Variants in EDA observed in about 807,000 individuals in gnomAD.
EDA encodes the protein ectodysplasin-A.
A neutral mutation model predicts 23.6 loss-of-function variants in EDA; 2 were observed. That is an observed-to-expected ratio of 0.08 (90% confidence interval 0.03 to 0.27). The LOEUF is 0.27. EDA is among the 10% of genes least tolerant of loss of function. The pLI, the probability that EDA is intolerant of heterozygous loss-of-function variation, is 1.00. For missense variants in EDA, 229 were observed against 324.2 expected, an observed-to-expected ratio of 0.71 and a Z score of 2.26; for synonymous variants, 131 against 132.0, an observed-to-expected ratio of 0.99 and a Z score of 0.05.
At chrX:69,738,026 A>G (rs959960936) in intron 1 of EDA, among the ~76,000 whole-genome samples, 2 of 111,587 alleles carry the variant, frequency 1.8e-5, no homozygotes, top group Non-Finnish European at 3.8e-5. Context: ...GAATTAGGTT[A>G]TGGTATGCCT....
chrX:69,781,759 A>G (rs751812303), intron 1 of EDA, among the ~76,000 whole-genome samples: 27 of 111,257 alleles, frequency 2.4e-4, no homozygotes, highest in Non-Finnish European at 4.7e-4. Context: ...TAGCTATGCA[A>G]TTATATCTGT....
At chrX:69,940,952 G>A (rs2018749315) in intron 1 of EDA, among the ~76,000 whole-genome samples, 1 of 111,259 alleles carries the variant, frequency 9.0e-6, no homozygotes, top group Admixed American at 9.5e-5. Flanking sequence ...GTATCCCATA[G>A]GTTCTTGTAT....
chrX:69,976,481 T>C (rs745478164), intron 2 of EDA, among the ~76,000 whole-genome samples: 1 of 112,198 alleles, frequency 8.9e-6, no homozygotes, highest in South Asian at 3.7e-4. Flanking sequence ...ATTTGGCATA[T>C]GTTTACACTA....
At chrX:69,888,978 T>TAGATAGATATATATA (rs1556026049) in intron 1 of EDA, among the ~76,000 whole-genome samples, 19 of 16,013 alleles carry the variant, frequency 1.2e-3, no homozygotes, top group South Asian at 5.6e-3. Flanking sequence ...TGTGGGGTAG[T>TAGATAGATATATATA]TATATATATA....
At chrX:69,972,204 A>G (rs1176500705) in intron 2 of EDA, among the ~76,000 whole-genome samples, 1 of 111,846 alleles carries the variant, frequency 8.9e-6, no homozygotes, top group Non-Finnish European at 1.9e-5. Context: ...GTAATTTATC[A>G]TCACATATTT....
intron 1 of EDA, among the ~76,000 whole-genome samples, chrX:69,950,745 G>T (rs1421884192): frequency 3.6e-5 from 3 of 82,303 alleles, no homozygotes; most frequent in Non-Finnish European, 4.8e-5. Context: ...TATACACCAT[G>T]GAATACTATG....
chrX:69,711,325 G>A (rs1319579043), intron 1 of EDA, among the ~76,000 whole-genome samples: 1 of 111,522 alleles, frequency 9.0e-6, no homozygotes, highest in African/African-American at 3.3e-5. Context: ...AACCAGCCTT[G>A]CATCCCAGGG....
At chrX:69,985,605 G>C (rs1449731376) in intron 2 of EDA, among the ~76,000 whole-genome samples, 102 of 13,545 alleles carry the variant, frequency 7.5e-3, no homozygotes, top group East Asian at 0.063. Context: ...ACAAACCACT[G>C]CTCAAGGAAA....
chrX:69,745,498 G>A (rs1398701501), intron 1 of EDA, among the ~76,000 whole-genome samples: 1 of 111,156 alleles, frequency 9.0e-6, no homozygotes, highest in African/African-American at 3.3e-5. Context: ...CCAAAAAATG[G>A]CTATGAGCTT....
intron 1 of EDA, among the ~76,000 whole-genome samples, chrX:69,727,135 T>G (rs5936493): frequency 0.2 from 22,342 of 110,463 alleles, 1,760 homozygotes; most frequent in Non-Finnish European, 0.24. Context: ...GAAGATGAAC[T>G]TCCCCCAGAG....
intron 2 of EDA, among the ~76,000 whole-genome samples, chrX:70,017,048 CA>C (rs201606796): frequency 0.078 from 7,944 of 102,207 alleles, 680 homozygotes; most frequent in East Asian, 0.62. Flanking sequence ...AACAGAAATG[CA>C]AAAAAAAAAA....
chrX:69,668,655 C>A (rs186630302), intron 1 of EDA, among the ~76,000 whole-genome samples: 1 of 111,299 alleles, frequency 9.0e-6, no homozygotes, highest in East Asian at 2.8e-4. Flanking sequence ...TGGCTCACTG[C>A]AACCTCCACC....
intron 1 of EDA, among the ~76,000 whole-genome samples, chrX:69,813,353 C>T (rs2016005628): frequency 9.0e-6 from 1 of 111,173 alleles, no homozygotes; most frequent in African/African-American, 3.3e-5. Flanking sequence ...ATCCATCACC[C>T]CACACCAACC....
intron 1 of EDA, among the ~76,000 whole-genome samples, chrX:69,783,740 T>A (rs1348262985): frequency 3.6e-5 from 4 of 111,171 alleles, no homozygotes; most frequent in Non-Finnish European, 7.6e-5. Flanking sequence ...TGAATAATGC[T>A]GCAATAAACA....
At chrX:69,956,488 C>T (rs2019009148) in intron 1 of EDA, among the ~76,000 whole-genome samples, 1 of 108,489 alleles carries the variant, frequency 9.2e-6, no homozygotes, top group African/African-American at 3.4e-5. Context: ...ATTATAGGCA[C>T]CCCCCACCAC....
chrX:69,699,865 A>G (rs1416119945), intron 1 of EDA, among the ~76,000 whole-genome samples: 1 of 110,267 alleles, frequency 9.1e-6, no homozygotes, highest in African/African-American at 3.3e-5. Context: ...GCTCATGGAG[A>G]GGGCCTTTAG....
intron 1 of EDA, among the ~76,000 whole-genome samples, chrX:69,649,089 G>C (rs1933017766): frequency 8.9e-6 from 1 of 111,819 alleles, no homozygotes; most frequent in Non-Finnish European, 1.9e-5. Flanking sequence ...TGTTTGCCTA[G>C]TCAGTCCCAA....
chrX:69,617,414 G>A (rs1238294915), intron 1 of EDA: 1 of 136,131 alleles, frequency 7.3e-6, no homozygotes, highest in African/African-American at 3.3e-5. Context: ...GTAGGTGTGC[G>A]GTGGGAAGGG....
chrX:69,939,148 AT>A (rs1347452087), intron 1 of EDA, among the ~76,000 whole-genome samples: 1 of 111,644 alleles, frequency 9.0e-6, no homozygotes, highest in Non-Finnish European at 1.9e-5. Context: ...TGATATTTTG[AT>A]AGGGATTGCA....
Sources: allele counts gnomAD v4.1 joint callset (sites outside exome capture counted in the v4.1 genomes callset), GRCh38; gene constraint gnomAD v4.1.1; transcripts MANE v1.5; gene names NCBI Gene and HGNC (gene_info 2026-07-23, HGNC 2026-07-21).